The following PTPRM variants were observed in gnomAD, a reference collection of about 807,000 sequenced individuals.
PTPRM encodes the protein receptor-type tyrosine-protein phosphatase mu.
A neutral mutation model predicts 186.7 loss-of-function variants in PTPRM; 47 were observed. The ratio of observed to expected loss-of-function variants is 0.25; its 90% CI spans 0.20 to 0.32. PTPRM has a LOEUF of 0.32. Ranked by LOEUF, PTPRM falls within the 10% of genes least tolerant of loss-of-function variation. PTPRM has a pLI of 1.00. For synonymous variants in PTPRM, 668 were observed against 674.9 expected (o/e 0.99, Z 0.16); for missense variants, 1,494 against 1,865.0 (o/e 0.80, Z 3.66).
At chr18:7,793,453 C>G (rs944388336) in intron 2 of PTPRM, among the ~76,000 whole-genome samples, 4 of 152,034 alleles carry the variant, frequency 2.6e-5, no homozygotes, top group African/African-American at 9.7e-5. Flanking sequence ...TTGTATCTCA[C>G]AATGAGGAGC....
chr18:7,977,300 G>C (rs979747231), intron 7 of PTPRM, among the ~76,000 whole-genome samples: 4 of 152,084 alleles, frequency 2.6e-5, no homozygotes, highest in Non-Finnish European at 5.9e-5. Flanking sequence ...TGTTGGCCAG[G>C]CTGGTCTCAA....
chr18:8,371,792 A>C (rs902285308), intron 24 of PTPRM: 2 of 152,606 alleles, frequency 1.3e-5, no homozygotes, highest in African/African-American at 4.8e-5. Context: ...ACTGCAGTCC[A>C]TCCAGAGAAG....
At chr18:8,116,911 C>T (rs1233221437) in intron 13 of PTPRM, among the ~76,000 whole-genome samples, 1 of 152,168 alleles carries the variant, frequency 6.6e-6, no homozygotes, top group African/African-American at 2.4e-5. Context: ...ATCCAAAGAA[C>T]CTCTTTTGGG....
chr18:8,323,773 C>A (rs2095359744), intron 22 of PTPRM, among the ~76,000 whole-genome samples: 1 of 152,150 alleles, frequency 6.6e-6, no homozygotes, highest in Non-Finnish European at 1.5e-5. Flanking sequence ...CAGGGAGACG[C>A]TTGTGCCCCC....
chr18:7,672,685 T>C (rs1190896945), intron 1 of PTPRM, among the ~76,000 whole-genome samples: 1 of 152,184 alleles, frequency 6.6e-6, no homozygotes, highest in African/African-American at 2.4e-5. Context: ...ATTAAATGGC[T>C]TCACTAAAAT....
chr18:7,592,068 G>A (rs1206547262), intron 1 of PTPRM, among the ~76,000 whole-genome samples: 1 of 152,132 alleles, frequency 6.6e-6, no homozygotes, highest in African/African-American at 2.4e-5. Flanking sequence ...GTGACCCGTT[G>A]TTTGATTTAA....
Position 7,710,940 on chromosome 18 carries a change from G to A in PTPRM, c.74-63209G>A, listed in dbSNP as rs569897285. Among the ~76,000 whole-genome samples, 46 of 152,258 alleles carry A rather than the reference G, an allele frequency of 3.0e-4. No individual in the cohort carries two copies. In the South Asian group the frequency reaches 9.3e-3, roughly 31 times the overall value. ...TGGAAACACCCATGCTCATGGATGG[G>A]TAGAACCAATATTGTGAAAATGACC... On this transcript the variant is annotated intron_variant, in intron 1 of 32. Coordinates refer to ENST00000580170, the MANE Select transcript of PTPRM (RefSeq NM_001105244.2).
At chr18:8,146,339 C>T (rs745409552) in intron 14 of PTPRM, among the ~76,000 whole-genome samples, 57 of 152,072 alleles carry the variant, frequency 3.7e-4, no homozygotes, top group African/African-American at 1.2e-3. Context: ...TTTTAATGAT[C>T]GCTATTCTAA....
chr18:7,812,527 G>C (rs979655718), intron 2 of PTPRM, among the ~76,000 whole-genome samples: 16 of 152,140 alleles, frequency 1.1e-4, no homozygotes, highest in African/African-American at 2.9e-4. Flanking sequence ...AGCTGCTCCA[G>C]GAATCTCCTG....
intron 1 of PTPRM, among the ~76,000 whole-genome samples, chr18:7,672,168 A>G (rs1462584536): frequency 6.6e-6 from 1 of 152,178 alleles, no homozygotes; most frequent in Non-Finnish European, 1.5e-5. Flanking sequence ...GGGGATTGTG[A>G]ATCAGTCTAA....
intron 4 of PTPRM, among the ~76,000 whole-genome samples, chr18:7,916,630 ATT>A (rs1195774679): frequency 2.0e-5 from 3 of 150,404 alleles, no homozygotes; most frequent in Admixed American, 6.6e-5. Context: ...AAAAAATGTT[ATT>A]TTATTTTAAA....
chr18:8,392,963 AAGAG>A (rs1174381796), intron 31 of PTPRM, among the ~76,000 whole-genome samples: 2 of 152,196 alleles, frequency 1.3e-5, no homozygotes, highest in Non-Finnish European at 2.9e-5. Context: ...AGAATGTTGA[AAGAG>A]AGGGAAACAG....
chr18:7,620,630 C>T (rs2037915115), intron 1 of PTPRM, among the ~76,000 whole-genome samples: 1 of 152,152 alleles, frequency 6.6e-6, no homozygotes, highest in South Asian at 2.1e-4. Context: ...CTTCACAAAA[C>T]TCTTGGGAAT....
intron 31 of PTPRM, among the ~76,000 whole-genome samples, chr18:8,391,119 A>C (rs1185339979): frequency 6.6e-6 from 1 of 152,158 alleles, no homozygotes; most frequent in Non-Finnish European, 1.5e-5. Flanking sequence ...GATAATCCCA[A>C]GTGTTAGTGA....
chr18:8,068,790 T>C (rs1352737978), intron 7 of PTPRM, among the ~76,000 whole-genome samples: 1 of 152,210 alleles, frequency 6.6e-6, no homozygotes, highest in East Asian at 1.9e-4. Flanking sequence ...ATAAAACACA[T>C]GTATCAGTAT....
At chr18:7,744,476 C>T (rs1204025109) in intron 1 of PTPRM, among the ~76,000 whole-genome samples, 1 of 152,204 alleles carries the variant, frequency 6.6e-6, no homozygotes, top group Non-Finnish European at 1.5e-5. Context: ...CTACCCAGCA[C>T]TCTCAGTGCA....
At chr18:8,393,779 T>TTTG (rs71356214) in intron 31 of PTPRM, among the ~76,000 whole-genome samples, 87 of 151,126 alleles carry the variant, frequency 5.8e-4, no homozygotes, top group Admixed American at 1.2e-3. Context: ...TGCCAATGGA[T>TTTG]TTGTTGTTGT....
chr18:7,950,655 C>T (rs1288935513), intron 6 of PTPRM, among the ~76,000 whole-genome samples: 1 of 152,076 alleles, frequency 6.6e-6, no homozygotes, highest in Non-Finnish European at 1.5e-5. Flanking sequence ...ATATAGGACA[C>T]TTAGTATACA....
intron 1 of PTPRM, among the ~76,000 whole-genome samples, chr18:7,584,553 T>A (rs1243090235): frequency 2.0e-5 from 3 of 151,890 alleles, no homozygotes; most frequent in Non-Finnish European, 2.9e-5. Context: ...AGTGAGAAAT[T>A]GTGATTGTGT....
Sources: allele counts gnomAD v4.1 joint callset (sites outside exome capture counted in the v4.1 genomes callset), GRCh38; gene constraint gnomAD v4.1.1; transcripts MANE v1.5; gene names NCBI Gene and HGNC (gene_info 2026-07-23, HGNC 2026-07-21).